The following CCDC30 variants were observed in gnomAD, a reference collection of about 807,000 sequenced individuals.
CCDC30 encodes coiled-coil domain-containing protein 30.
Under a neutral mutation model 100.2 loss-of-function variants are expected in CCDC30, and 70 were observed. That is an observed-to-expected ratio of 0.70 (90% CI 0.58 to 0.85). The LOEUF is 0.85. CCDC30 is among the 40% of genes least tolerant of loss of function. CCDC30 has a pLI of 0.00. For synonymous variants in CCDC30, 233 were observed against 269.5 expected, an observed-to-expected ratio of 0.86 and a Z score of 1.33; for missense variants, 652 against 771.2, an observed-to-expected ratio of 0.85 and a Z score of 1.83.
chr1:42,506,035 C>T (rs998538315), intron 6 of CCDC30, among the ~76,000 whole-genome samples: 4 of 152,216 alleles, frequency 2.6e-5, no homozygotes, highest in South Asian at 2.1e-4. Flanking sequence ...GTTAAGAATA[C>T]GTTTCCAAAT....
chr1:42,620,276 T>C (rs1371299684), intron 11 of CCDC30, among the ~76,000 whole-genome samples: 1 of 152,158 alleles, frequency 6.6e-6, no homozygotes, highest in Non-Finnish European at 1.5e-5. Context: ...AGAAAAGAAC[T>C]ATTGGGTACT....
At chr1:42,497,327 G>T (rs1644246146) in intron 5 of CCDC30, 114 bp downstream of exon 5, 1 of 478,518 alleles carries the variant, frequency 2.1e-6, no homozygotes, top group Non-Finnish European at 3.3e-6. Context: ...GACCAATACT[G>T]GTGGCTGTAA....
intron 9 of CCDC30, among the ~76,000 whole-genome samples, chr1:42,583,177 T>A (rs953419146): frequency 6.6e-6 from 1 of 152,336 alleles, no homozygotes; most frequent in Admixed American, 6.5e-5. Context: ...AACTGCTGAT[T>A]TCTTTGGGCT....
At chr1:42,567,301 G>A (rs1368627304) in intron 7 of CCDC30, among the ~76,000 whole-genome samples, 1 of 152,190 alleles carries the variant, frequency 6.6e-6, no homozygotes, top group Non-Finnish European at 1.5e-5. Context: ...TTGTGCTACA[G>A]CAACAGATTT....
rs113376573 is a variant in CCDC30 at position 42,493,182 on chromosome 1, A to G, written c.241+2953A>G. On this transcript the variant is annotated intron_variant, in intron 4 of 16. Coordinates refer to ENST00000668663, the Ensembl canonical transcript of CCDC30. ...CCCAGAATAAGGTGAGCAGAATAAGAACAATAAGAATATAATTAAATATAA... is the reference window on the plus strand; with the variant it reads ...CCCAGAATAAGGTGAGCAGAATAAGGACAATAAGAATATAATTAAATATAA... Among the ~76,000 whole-genome samples the G allele has an allele frequency of 5.9e-3, 898 of 152,188 alleles. 6 individuals carry two copies. The highest frequency in any genetic ancestry group is 0.02 in the African/African-American group (837 of 41,550).
rs1441278292 is a variant in CCDC30 at position 42,614,127 on chromosome 1, A to G, written c.1277+3037A>G. ...ATGGAGTCTCGCTCTGCCGCCCAGG[A>G]TAGAGTGCAGTGGCCGGATCTCGGC... On this transcript the variant is annotated intron_variant, in intron 11 of 16. Coordinates refer to ENST00000668663, the Ensembl canonical transcript of CCDC30. 5.5e-5 allele frequency among the ~76,000 whole-genome samples: 8 copies of G among 144,230 alleles called. No homozygotes were observed. In the East Asian group the frequency reaches 1.6e-3, roughly 30 times the overall value. 94.6% of individuals were successfully genotyped at this position (144,230 alleles called of 152,430 possible).
intron 9 of CCDC30, among the ~76,000 whole-genome samples, chr1:42,582,962 T>C (rs1487358335): frequency 1.3e-5 from 2 of 152,270 alleles, no homozygotes; most frequent in African/African-American, 4.8e-5. Context: ...TGCTAAACTT[T>C]AATTTCTCTG....
intron 6 of CCDC30, among the ~76,000 whole-genome samples, chr1:42,517,059 G>T: frequency 6.6e-6 from 1 of 151,934 alleles, no homozygotes; most frequent in East Asian, 1.9e-4. Flanking sequence ...TACTTTGTAG[G>T]TTGCCTTTCT....
intron 9 of CCDC30, among the ~76,000 whole-genome samples, chr1:42,584,765 A>G (rs1297227281): frequency 6.6e-6 from 1 of 152,228 alleles, no homozygotes; most frequent in South Asian, 2.1e-4. Context: ...GAGGCTAGAA[A>G]GGTAAGCTAG....
chr1:42,609,438 C>A (rs1370854197), intron 10 of CCDC30, among the ~76,000 whole-genome samples: 2 of 152,084 alleles, frequency 1.3e-5, no homozygotes, highest in African/African-American at 4.8e-5. Context: ...TCAAAAAAAT[C>A]ATAATGCAGA....
intron 11 of CCDC30, among the ~76,000 whole-genome samples, chr1:42,622,841 C>T (rs573073676): frequency 1.8e-4 from 27 of 152,244 alleles, no homozygotes; most frequent in Non-Finnish European, 3.2e-4. Flanking sequence ...AATTTACATT[C>T]CCATTAATAG....
intron 10 of CCDC30, among the ~76,000 whole-genome samples, chr1:42,601,425 G>A (rs1646402377): frequency 6.6e-6 from 1 of 152,310 alleles, no homozygotes; most frequent in Non-Finnish European, 1.5e-5. Context: ...CAAAGGAGAT[G>A]CAAAACCAGA....
intron 15 of CCDC30, among the ~76,000 whole-genome samples, 185 bp from the exon 20 acceptor site, chr1:42,653,191 A>G (rs1175553857): frequency 6.6e-6 from 1 of 152,144 alleles, no homozygotes; most frequent in East Asian, 1.9e-4. Flanking sequence ...ATAGATAAAT[A>G]TAGATAGGTT....
Position 42,539,695 on chromosome 1 carries a change from A to T in CCDC30, c.457-26601A>T, listed in dbSNP as rs12091419. ...TTATTTAAATGTCTTCAATTTAAAA[A>T]TTTAGGACCAAAGCGTCTTTCTCAG... On this transcript the variant is annotated intron_variant, in intron 6 of 16. Transcript: ENST00000668663. Among the ~76,000 whole-genome samples the T allele has an allele frequency of 9.7e-3, 1,477 of 152,322 alleles. 11 individuals are homozygous for T. Among genetic ancestry groups the T allele is most frequent in the African/African-American group, 0.029 (1,198 of 41,580 alleles).
Position 42,567,519 on chromosome 1 carries a change from C to G in CCDC30, c.636+1044C>G, listed in dbSNP as rs546345818. Among the ~76,000 whole-genome samples, 3 of 152,236 alleles carry G rather than the reference C, an allele frequency of 2.0e-5. No individual in the cohort carries two copies. In the East Asian group the frequency reaches 5.8e-4, roughly 29 times the overall value. ...AGAGGAAAACAAATATCCGTTTATC[C>G]CAAACTTCAAGGAAGGCCTTCTAAG... On this transcript the variant is annotated intron_variant, in intron 7 of 16. Transcript: ENST00000668663.
At chr1:42,602,390 A>T (rs1459358446) in intron 10 of CCDC30, among the ~76,000 whole-genome samples, 1 of 152,118 alleles carries the variant, frequency 6.6e-6, no homozygotes, top group Non-Finnish European at 1.5e-5. Flanking sequence ...ATAGGCCTCT[A>T]GCCAGGCTAA....
At chr1:42,611,082 C>T (rs1646613477) in exon 11 of CCDC30, 4 of 1,576,150 alleles carry the variant, frequency 2.5e-6, no homozygotes, top group Non-Finnish European at 3.5e-6. Flanking sequence ...TGCTTAATGT[C>T]CATGTGAGGT....
At position 42,623,461 on chromosome 1, in the gene CCDC30, A is replaced by C. The variant is rs948166877; in HGVS notation, c.1277+12371A>C. Among the ~76,000 whole-genome samples, 3 of 152,174 alleles carry C rather than the reference A, an allele frequency of 2.0e-5. No homozygotes were observed. In the East Asian group the frequency reaches 5.8e-4, roughly 29 times the overall value. Reference sequence around the variant, plus strand: ...TTTATTCTTCTGCATATGGACATCCAGTTTTCCCAGCACCATTTATTGAAG... The same window carrying C: ...TTTATTCTTCTGCATATGGACATCCCGTTTTCCCAGCACCATTTATTGAAG... On this transcript the variant is annotated intron_variant, in intron 11 of 16. Transcript: ENST00000668663.
At position 42,644,826 on chromosome 1, in the gene CCDC30, A is replaced by G. The variant is rs199943448; in HGVS notation, c.1671+19A>G. On this transcript the variant is annotated intron_variant, in intron 14 of 16. Coordinates refer to ENST00000668663, the Ensembl canonical transcript of CCDC30. The stretch of plus-strand genomic sequence containing the variant: ...AGGAGAGGTAAGATGTGTGCTTCCT[A>G]TTGGGCCTGCCTTTAATGTGAAGTT... The G allele has an allele frequency of 6.4e-5, 95 of 1,479,228 alleles. No individual in the cohort carries two copies. The African/African-American group carries it at 1.2e-3, about 19-fold the overall frequency. 91.6% of individuals were successfully genotyped at this position (1,479,228 alleles called of 1,614,324 possible). A position where few individuals can be genotyped will look rare whatever the true frequency, so the allele number is the denominator to read the frequency against.
Sources: gnomAD v4.1 joint callset for allele counts (sites outside exome capture counted in the v4.1 genomes callset) on GRCh38, gnomAD v4.1.1 for gene constraint, MANE v1.5 for transcripts, NCBI Gene and HGNC (gene_info 2026-07-23, HGNC 2026-07-21) for gene names.